Variants in PIK3R4 observed in about 807,000 individuals in gnomAD.
The protein encoded by PIK3R4 is phosphoinositide-3-kinase regulatory subunit 4.
PIK3R4 carries 46 observed loss-of-function variants against 136.5 expected under a neutral mutation model. The observed-to-expected ratio is 0.34, with a 90% CI of 0.27 to 0.43. The LOEUF is 0.43. PIK3R4 is among the 20% of genes least tolerant of loss of function. The pLI is 1.00. For synonymous variants in PIK3R4, 557 were observed against 566.7 expected, an observed-to-expected ratio of 0.98 and a Z score of 0.24; for missense variants, 1,331 against 1,649.5, an observed-to-expected ratio of 0.81 and a Z score of 3.35.
rs996315008 is a variant in PIK3R4 at position 130,733,678 on chromosome 3, C to T, written c.1320G>A (p.Thr440=). ...VPRVRAEALR[T]LTKVLALVKE... is the part of the protein sequence containing the mutation. ...TGACGAGAGCAAGAACTTTGGTCAA[C>T]GTCCTCAAGGCTTCAGCCCTCACCC... Residue 440 remains threonine (T), a synonymous_variant, in exon 4 of 20, where the codon ACG becomes ACA. Transcript: ENST00000356763. The T allele has an allele frequency of 8.1e-6, 13 of 1,613,912 alleles. No individual in the cohort carries two copies. The highest frequency in any genetic ancestry group is 4.5e-5 in the East Asian group (2 of 44,886).
At chr3:130,714,295 C>T (rs2066649306) in intron 9 of PIK3R4, among the ~76,000 whole-genome samples, 1 of 152,190 alleles carries the variant, frequency 6.6e-6, no homozygotes, top group Admixed American at 6.5e-5. Context: ...AGCATATATT[C>T]AGCGACTGTA....
chr3:130,698,981 C>T (rs565272903), intron 13 of PIK3R4, among the ~76,000 whole-genome samples: 1 of 152,318 alleles, frequency 6.6e-6, no homozygotes, highest in South Asian at 2.1e-4. Context: ...AACACTCCAT[C>T]AAGCATTTTA....
intron 4 of PIK3R4, among the ~76,000 whole-genome samples, chr3:130,731,502 G>C (rs534103704): frequency 1.3e-5 from 2 of 151,982 alleles, no homozygotes; most frequent in Non-Finnish European, 2.9e-5. Flanking sequence ...ACGCCTGCTC[G>C]CCCTAAAAAT....
chr3:130,735,017 G>A (rs2066778495), intron 3 of PIK3R4, among the ~76,000 whole-genome samples: 1 of 152,170 alleles, frequency 6.6e-6, no homozygotes, highest in Admixed American at 6.5e-5. Flanking sequence ...TTCAGAAAAT[G>A]TATGCCCAAA....
intron 13 of PIK3R4, among the ~76,000 whole-genome samples, chr3:130,703,067 T>C (rs1055928831): frequency 1.3e-5 from 2 of 152,188 alleles, no homozygotes; most frequent in Non-Finnish European, 2.9e-5. Context: ...TCCTCTTCAG[T>C]CTATTCTCAA....
chr3:130,680,358 G>A (rs1012003156), intron 19 of PIK3R4, among the ~76,000 whole-genome samples: 3 of 152,074 alleles, frequency 2.0e-5, no homozygotes, highest in Non-Finnish European at 4.4e-5. Flanking sequence ...TTTGTAAGAG[G>A]ATAATAAAAG....
At chr3:130,703,416 G>A (rs1399673308) in intron 13 of PIK3R4, among the ~76,000 whole-genome samples, 1 of 151,998 alleles carries the variant, frequency 6.6e-6, no homozygotes, top group Non-Finnish European at 1.5e-5. Flanking sequence ...TTTTCCCTGT[G>A]AGGCATTCTC....
At chr3:130,695,423 G>T (rs1220727810) in intron 13 of PIK3R4, among the ~76,000 whole-genome samples, 2 of 152,086 alleles carry the variant, frequency 1.3e-5, no homozygotes, top group African/African-American at 4.8e-5. Context: ...ATATTAAATG[G>T]AAATTCCAGA....
At chr3:130,712,538 C>T (rs1400105778) in intron 9 of PIK3R4, among the ~76,000 whole-genome samples, 1 of 152,000 alleles carries the variant, frequency 6.6e-6, no homozygotes, top group African/African-American at 2.4e-5. Flanking sequence ...CCTGGTGGTG[C>T]ATGCCGGTAA....
chr3:130,679,262 C>T lies in PIK3R4; in HGVS notation c.*53G>A, dbSNP rs2066438622. 7 of 1,117,018 alleles carry T rather than the reference C, an allele frequency of 6.3e-6. No individual in the cohort carries two copies. Among genetic ancestry groups the T allele is most frequent in the African/African-American group, 1.6e-5 (1 of 62,406 alleles). The allele number at this position is 1,117,018 out of a possible 1,614,324, so 69.2% of individuals were successfully genotyped here. A position where few individuals can be genotyped will look rare whatever the true frequency, so the allele number is the denominator to read the frequency against. ...TCTGTTCTCTAGAAATGCCTTTTCT[C>T]GAGTTATAGTATTATATTTATAACT... On this transcript the variant is annotated 3_prime_UTR_variant, in exon 20 of 20. Coordinates refer to ENST00000356763, the MANE Select transcript of PIK3R4 (RefSeq NM_014602.3).
chr3:130,716,486 C>T lies in PIK3R4; in HGVS notation c.2241G>A (p.Met747Ile), dbSNP rs754331921. ...GAGAACCATTTCGTTTCTTCTGACG[C>T]ATGTGAAGATGTCTGAACAAGCTAG... ...DITSLFRHLH[M>I]RQKKRNGSLP... The change falls in exon 9 of 20, where the codon ATG becomes ATA. Residue 747 changes from methionine to isoleucine, a missense_variant. Around this residue, in one of 2 missense-constraint regions of PIK3R4, gnomAD observed 1,180 missense variants for 1,407.0 expected, o/e 0.84. Coordinates refer to ENST00000356763, the MANE Select transcript of PIK3R4 (RefSeq NM_014602.3). 3.1e-6 allele frequency: 5 copies of T among 1,613,942 alleles called. No homozygotes were observed. The highest frequency in any genetic ancestry group is 3.3e-4 in the Middle Eastern group (2 of 6,084).
At chr3:130,696,528 T>C (rs1035712413) in intron 13 of PIK3R4, among the ~76,000 whole-genome samples, 1 of 152,220 alleles carries the variant, frequency 6.6e-6, no homozygotes, top group Non-Finnish European at 1.5e-5. Flanking sequence ...CCATATGTTG[T>C]TTAATCTCCA....
Position 130,725,059 on chromosome 3 carries a change from G to A in PIK3R4, c.1808-1472C>T, listed in dbSNP as rs59067045. On this transcript the variant is annotated intron_variant, in intron 6 of 19. Coordinates refer to ENST00000356763, the MANE Select transcript of PIK3R4 (RefSeq NM_014602.3). ...ATGATTAAAAAATTATGTTATAATTGTTTTCTTTAATAAAAGGAAAAATTC... is the reference window on the plus strand; with the variant it reads ...ATGATTAAAAAATTATGTTATAATTATTTTCTTTAATAAAAGGAAAAATTC... 1.9e-3 allele frequency among the ~76,000 whole-genome samples: 282 copies of A among 151,818 alleles called. 2 individuals are homozygous for A. The highest frequency in any genetic ancestry group is 6.6e-3 in the African/African-American group (273 of 41,496).
intron 9 of PIK3R4, among the ~76,000 whole-genome samples, chr3:130,713,199 G>C (rs1423821577): frequency 6.6e-6 from 1 of 152,184 alleles, no homozygotes; most frequent in African/African-American, 2.4e-5. Context: ...AAGAACCTCA[G>C]AGTTTCTGGC....
At chr3:130,744,214 A>G (rs2066840672) in intron 2 of PIK3R4, among the ~76,000 whole-genome samples, 1 of 152,252 alleles carries the variant, frequency 6.6e-6, no homozygotes, top group Non-Finnish European at 1.5e-5. Context: ...ATTATCCACC[A>G]ATATCCCTAG....
At chr3:130,710,174 A>G (rs1175024414) in intron 9 of PIK3R4, among the ~76,000 whole-genome samples, 4 of 152,044 alleles carry the variant, frequency 2.6e-5, no homozygotes, top group Non-Finnish European at 5.9e-5. Flanking sequence ...AATCCAGTAT[A>G]TATAAAAACA....
rs968524889 is a variant in PIK3R4 at position 130,717,163 on chromosome 3, C to CT, written c.2128-565dup. On this transcript the variant is annotated intron_variant, in intron 8 of 19. Coordinates refer to ENST00000356763, the MANE Select transcript of PIK3R4 (RefSeq NM_014602.3). Reference sequence around the variant, plus strand: ...CCAAGAAGATTATCTTCTTTTTTTTCTTTTTTTTTTTCTGTGACTCTAGCA... The same window carrying CT: ...CCAAGAAGATTATCTTCTTTTTTTTCTTTTTTTTTTTTCTGTGACTCTAGCA... 4.5e-4 allele frequency among the ~76,000 whole-genome samples: 65 copies of CT among 145,834 alleles called. 1 individual carries two copies. The highest frequency in any genetic ancestry group is 3.5e-3 in the Middle Eastern group (1 of 282).
chr3:130,704,984 C>T (rs1442940699), intron 12 of PIK3R4, among the ~76,000 whole-genome samples: 1 of 152,038 alleles, frequency 6.6e-6, no homozygotes, highest in African/African-American at 2.4e-5. Flanking sequence ...GCGTGTGCCA[C>T]CACACCTGGC....
chr3:130,730,043 T>C (rs72998244), intron 5 of PIK3R4, among the ~76,000 whole-genome samples: 3,589 of 152,302 alleles, frequency 0.024, 161 homozygotes, highest in African/African-American at 0.08. Context: ...AATTATATAA[T>C]TCAGCCAGCT....
Sources: allele counts gnomAD v4.1 joint callset (sites outside exome capture counted in the v4.1 genomes callset), GRCh38; gene constraint gnomAD v4.1.1; regional missense constraint gnomAD v4.1.1; transcripts MANE v1.5; gene names NCBI Gene and HGNC (gene_info 2026-07-23, HGNC 2026-07-21).